The following PPIP5K2 variants were observed in gnomAD, a reference collection of about 807,000 sequenced individuals.
The protein encoded by PPIP5K2 is inositol hexakisphosphate and diphosphoinositol-pentakisphosphate kinase 2.
A neutral mutation model predicts 154.6 loss-of-function variants in PPIP5K2; 105 were observed. That is an observed-to-expected ratio of 0.68 (90% CI 0.58 to 0.80). The LOEUF is 0.80. PPIP5K2 is among the 30% of genes least tolerant of loss of function. The pLI is 0.00. For missense variants in PPIP5K2, 992 were observed against 1,504.6 expected (o/e 0.66, Z 5.64); for synonymous variants, 480 against 490.3 (o/e 0.98, Z 0.28).
chr5:103,146,457 A>G, intron 5 of PPIP5K2, 70 bp from the exon 6 acceptor site: 2 of 1,458,306 alleles, frequency 1.4e-6, no homozygotes, highest in Non-Finnish European at 1.8e-6. Context: ...AAAGTCCTCG[A>G]TAATAATGTG....
chr5:103,157,555 A>T (rs1795603021), intron 14 of PPIP5K2, among the ~76,000 whole-genome samples: 1 of 152,120 alleles, frequency 6.6e-6, no homozygotes, highest in Non-Finnish European at 1.5e-5. Flanking sequence ...AGGTGGGTGG[A>T]TCACCTGAGG....
intron 1 of PPIP5K2, among the ~76,000 whole-genome samples, chr5:103,124,205 G>A (rs987467660): frequency 6.0e-5 from 9 of 151,148 alleles, no homozygotes; most frequent in African/African-American, 1.7e-4. Context: ...GTGTGAACCC[G>A]GGAGGAGGAG....
intron 30 of PPIP5K2, among the ~76,000 whole-genome samples, chr5:103,197,797 C>T (rs868952846): frequency 5.9e-5 from 9 of 151,432 alleles, no homozygotes; most frequent in Non-Finnish European, 1.2e-4. Context: ...AGGCTGGTCT[C>T]GAACTCCTGA....
chr5:103,128,069 G>A (rs1343081693), intron 1 of PPIP5K2, among the ~76,000 whole-genome samples: 6 of 151,888 alleles, frequency 4.0e-5, no homozygotes, highest in African/African-American at 7.3e-5. Context: ...TAAATGTAAC[G>A]CTGTATTTTA....
intron 9 of PPIP5K2, 146 bp downstream of exon 9, chr5:103,151,520 G>T: frequency 1.6e-6 from 1 of 630,246 alleles, no homozygotes; most frequent in South Asian, 2.5e-5. Context: ...GACTATGCCA[G>T]ATCCTGAATT....
chr5:103,146,148 T>C (rs1554209067), intron 5 of PPIP5K2, among the ~76,000 whole-genome samples: 4 of 152,098 alleles, frequency 2.6e-5, no homozygotes, highest in African/African-American at 9.6e-5. Context: ...TATAAGCTAC[T>C]TTCTAACTTA....
In PPIP5K2 at chr5:103,212,018, C is replaced by CTTTGGT. The variant is rs1186792459; in HGVS notation, c.*10407_*10412dup. Reference sequence around the variant, plus strand: ...CAAGGGATATGAAAGGTACCTCAACCTTTGGTTTTGGTTTTGGTTTTGGTT... The same window carrying CTTTGGT: ...CAAGGGATATGAAAGGTACCTCAACCTTTGGTTTTGGTTTTGGTTTTGGTTTTGGTT... On this transcript the variant is annotated 3_prime_UTR_variant, in exon 31 of 31. Transcript: ENST00000358359. The CTTTGGT allele has an allele frequency of 1.4e-4, 22 of 152,052 alleles. No homozygotes were observed. Among genetic ancestry groups the CTTTGGT allele is most frequent in the African/African-American group, 4.6e-4 (19 of 41,404 alleles). 9.4% of individuals were successfully genotyped at this position (152,052 alleles called of 1,614,324 possible).
At chr5:103,175,885 T>C (rs1400798859) in intron 21 of PPIP5K2, among the ~76,000 whole-genome samples, 1 of 152,014 alleles carries the variant, frequency 6.6e-6, no homozygotes, top group Admixed American at 6.6e-5. Context: ...GGGGGAAAAA[T>C]AATTACATGT....
chr5:103,171,874 C>T (rs1048765671), intron 19 of PPIP5K2, among the ~76,000 whole-genome samples: 1 of 151,544 alleles, frequency 6.6e-6, no homozygotes, highest in Admixed American at 6.6e-5. Flanking sequence ...TAAAGAACTT[C>T]TTTCCATGCC....
chr5:103,201,696 T>G lies in PPIP5K2; in HGVS notation c.*62T>G. ...AAATAGTATGTTCTTATGTTTCTCC[T>G]TATGCATTTATGTGTTCACTTAAAA... On this transcript the variant is annotated 3_prime_UTR_variant, in exon 31 of 31. Transcript: ENST00000358359. 7 of 1,121,546 alleles carry G rather than the reference T, an allele frequency of 6.2e-6. No homozygotes were observed. Among genetic ancestry groups the G allele is most frequent in the Non-Finnish European group, 8.9e-6 (7 of 785,714 alleles). The allele number at this position is 1,121,546 out of a possible 1,614,324, so 69.5% of individuals were successfully genotyped here. A position where few individuals can be genotyped will look rare whatever the true frequency, so the allele number is the denominator to read the frequency against.
intron 5 of PPIP5K2, among the ~76,000 whole-genome samples, chr5:103,143,554 A>G (rs1405689457): frequency 6.6e-6 from 1 of 152,228 alleles, no homozygotes; most frequent in Non-Finnish European, 1.5e-5. Flanking sequence ...TCAGAAAACA[A>G]ATGCCAAAAT....
chr5:103,167,338 AGAGC>A lies in PPIP5K2; in HGVS notation c.2062+19_2062+22del. On this transcript the variant is annotated intron_variant, in intron 18 of 30. Coordinates refer to ENST00000358359, the MANE Select transcript of PPIP5K2 (RefSeq NM_001276277.3). ...ATCATCAGGTAAATATGTTTTTCTTAGAGCATAGAACAAATAAAAGTTACTATTC... is the reference window on the plus strand; with the variant it reads ...ATCATCAGGTAAATATGTTTTTCTTAATAGAACAAATAAAAGTTACTATTC... 6.5e-7 allele frequency: 1 copy of A among 1,534,628 alleles called. No individual in the cohort carries two copies. The highest frequency in any genetic ancestry group is 8.8e-7 in the Non-Finnish European group (1 of 1,140,816).
In PPIP5K2 at chr5:103,204,036, A is replaced by AAAT. The variant is rs1367205875; in HGVS notation, c.*2404_*2405insTAA. ...GGCAATAGATGGAAATTATGAGAGA[A>AAAT]AAGTTAAAGTTCTTCAAGAAATATC... is the stretch of plus-strand genomic sequence containing the variant. On this transcript the variant is annotated 3_prime_UTR_variant, in exon 31 of 31. Transcript: ENST00000358359. The AAAT allele has an allele frequency of 6.6e-6, 1 of 152,208 alleles. No individual in the cohort carries two copies. The highest frequency in any genetic ancestry group is 1.5e-5 in the Non-Finnish European group (1 of 68,028). 9.4% of individuals were successfully genotyped at this position (152,208 alleles called of 1,614,324 possible).
At chr5:103,140,415 G>A (rs1342233569) in intron 5 of PPIP5K2, among the ~76,000 whole-genome samples, 2 of 152,168 alleles carry the variant, frequency 1.3e-5, no homozygotes, top group East Asian at 1.9e-4. Context: ...GAGAATAGAT[G>A]TATATAACAT....
intron 17 of PPIP5K2, among the ~76,000 whole-genome samples, chr5:103,165,337 T>C (rs574984409): frequency 1.3e-5 from 2 of 152,236 alleles, no homozygotes; most frequent in Admixed American, 1.3e-4. Flanking sequence ...CTTTTGACTC[T>C]GCAAAAACTT....
intron 28 of PPIP5K2, chr5:103,188,659 A>G (rs1360512030): frequency 6.6e-6 from 1 of 152,222 alleles, no homozygotes; most frequent in Admixed American, 6.5e-5. Flanking sequence ...CAAGAAAAAC[A>G]GAAGCCACAA....
intron 23 of PPIP5K2, among the ~76,000 whole-genome samples, chr5:103,179,246 G>T (rs1799152053): frequency 6.6e-6 from 1 of 151,866 alleles, no homozygotes; most frequent in Admixed American, 6.6e-5. Flanking sequence ...GGGTTTTTAT[G>T]TACTCAGTTT....
chr5:103,149,055 T>G, intron 7 of PPIP5K2, 97 bp from the exon 8 acceptor site: 1 of 996,818 alleles, frequency 1.0e-6, no homozygotes, highest in Non-Finnish European at 1.4e-6. Context: ...CTGAACTATT[T>G]TTTAGTAATT....
intron 24 of PPIP5K2, among the ~76,000 whole-genome samples, chr5:103,182,746 T>C (rs1554223347): frequency 6.6e-6 from 1 of 152,126 alleles, no homozygotes; most frequent in Non-Finnish European, 1.5e-5. Flanking sequence ...ACAGATTTAG[T>C]TTTCTAAGTT....
Sources: gnomAD v4.1 joint callset for allele counts (sites outside exome capture counted in the v4.1 genomes callset) on GRCh38, gnomAD v4.1.1 for gene constraint, MANE v1.5 for transcripts, NCBI Gene and HGNC (gene_info 2026-07-23, HGNC 2026-07-21) for gene names.